ACTN1: variants seen among roughly 807,000 people sequenced by gnomAD.
ACTN1 encodes the protein actinin alpha 1, also known as alpha-actinin-1.
A neutral mutation model predicts 119.6 loss-of-function variants in ACTN1; 30 were observed. The ratio of observed to expected loss-of-function variants is 0.25; its 90% confidence interval spans 0.19 to 0.34. ACTN1 has a LOEUF of 0.34. ACTN1 is among the 10% of genes least tolerant of loss of function. The pLI is 1.00. For missense variants in ACTN1, 764 were observed against 1,223.4 expected (o/e 0.62, Z 5.60); for synonymous variants, 429 against 472.6 (o/e 0.91, Z 1.20).
chr14:68,912,225 C>T lies in ACTN1; in HGVS notation c.358G>A (p.Val120Met). 6.2e-7 allele frequency: 1 copy of T among 1,614,114 alleles called. No homozygotes were observed. Among genetic ancestry groups the T allele is most frequent in the Non-Finnish European group, 8.5e-7 (1 of 1,179,978 alleles). The change falls in exon 4 of 22, where the codon GTG becomes ATG. Residue 120 changes from valine to methionine, a missense_variant. Val to Met is a conservative substitution (Grantham distance 21). Coordinates refer to ENST00000394419, the MANE Select transcript of ACTN1 (RefSeq NM_001130004.2). ...IGAEEIVDGNVKMTLGMIWTI... is the reference protein window; with the variant it reads ...IGAEEIVDGNMKMTLGMIWTI... The stretch of plus-strand genomic sequence containing the variant: ...CAGATCATGCCCAGGGTCATCTTCA[C>T]ATTCCCATCCACGATTTCTACAGAA...
chr14:68,968,517 C>G (rs2036775338), intron 1 of ACTN1, among the ~76,000 whole-genome samples: 1 of 152,216 alleles, frequency 6.6e-6, no homozygotes, highest in African/African-American at 2.4e-5. Context: ...ATACAGACAG[C>G]TATATAGGCA....
chr14:68,915,846 G>A (rs2034262179), intron 3 of ACTN1, among the ~76,000 whole-genome samples: 1 of 152,170 alleles, frequency 6.6e-6, no homozygotes, highest in South Asian at 2.1e-4. Flanking sequence ...GCGAAACCCC[G>A]TCTCCACTAA....
chr14:68,976,397 C>T (rs1278821314), intron 1 of ACTN1, among the ~76,000 whole-genome samples: 1 of 152,178 alleles, frequency 6.6e-6, no homozygotes, highest in Non-Finnish European at 1.5e-5. Flanking sequence ...GTTTACCTTA[C>T]GTCTTATCCC....
At chr14:68,955,981 TC>T in intron 1 of ACTN1, among the ~76,000 whole-genome samples, 1 of 152,202 alleles carries the variant, frequency 6.6e-6, no homozygotes, top group South Asian at 2.1e-4. Context: ...ATTAAGAAGG[TC>T]CTGGAGGAAG....
intron 1 of ACTN1, among the ~76,000 whole-genome samples, chr14:68,952,392 C>T (rs2036198671): frequency 6.6e-6 from 1 of 152,234 alleles, no homozygotes; most frequent in African/African-American, 2.4e-5. Context: ...ACAAAGAATA[C>T]AGCTTCAGCC....
chr14:68,883,654 T>A (rs180996940), intron 14 of ACTN1, among the ~76,000 whole-genome samples: 1 of 152,154 alleles, frequency 6.6e-6, no homozygotes, highest in Non-Finnish European at 1.5e-5. Context: ...GATGTGAGCC[T>A]GTAGTCCCAG....
chr14:68,899,208 CT>C, intron 8 of ACTN1, among the ~76,000 whole-genome samples: 1 of 135,932 alleles, frequency 7.4e-6, no homozygotes, highest in African/African-American at 2.7e-5. Flanking sequence ...CACTATACCC[CT>C]CCACACCACA....
In ACTN1 at chr14:68,882,411, G is replaced by A. The variant is rs116649664; in HGVS notation, c.1953+47C>T. ...GCCTGGCTGGCTAGGATAGTGTCGG[G>A]GGGGAGGGGTGGGAGCCCCAGCACT... is the stretch of plus-strand genomic sequence containing the variant. On this transcript the variant is annotated intron_variant, in intron 16 of 21. Transcript: ENST00000394419. The surrounding 1 kb of genome is among the most constrained non-coding windows in gnomAD (Gnocchi z 4.5). 6.6e-5 allele frequency: 106 copies of A among 1,603,914 alleles called. No homozygotes were observed. In the East Asian group the frequency reaches 7.2e-4, roughly 11 times the overall value.
intron 1 of ACTN1, among the ~76,000 whole-genome samples, chr14:68,965,174 T>A (rs1470248512): frequency 6.6e-6 from 1 of 152,238 alleles, no homozygotes; most frequent in Non-Finnish European, 1.5e-5. Context: ...CATGGCAGAC[T>A]GTCCTTGGAC....
At chr14:68,949,482 G>A (rs1388925889) in intron 1 of ACTN1, among the ~76,000 whole-genome samples, 1 of 152,224 alleles carries the variant, frequency 6.6e-6, no homozygotes, top group Non-Finnish European at 1.5e-5. Flanking sequence ...GCCTGGCGCT[G>A]GCAGGGGGAA....
chr14:68,944,708 G>C (rs1034567500), intron 1 of ACTN1, among the ~76,000 whole-genome samples: 3 of 152,144 alleles, frequency 2.0e-5, no homozygotes, highest in Non-Finnish European at 2.9e-5. Flanking sequence ...AAGGGAGTCA[G>C]TGAATCTATA....
chr14:68,911,449 TCA>T (rs1170848248), intron 4 of ACTN1, among the ~76,000 whole-genome samples: 5 of 152,206 alleles, frequency 3.3e-5, no homozygotes, highest in Non-Finnish European at 7.3e-5. Flanking sequence ...CATTGCTGCA[TCA>T]CAGAGTGTCA....
At position 68,888,153 on chromosome 14, in the gene ACTN1, GT is replaced by G. The variant is rs1281021521; in HGVS notation, c.1234+1985del. On this transcript the variant is annotated intron_variant, in intron 11 of 21. Coordinates refer to ENST00000394419, the MANE Select transcript of ACTN1 (RefSeq NM_001130004.2). ...GCATGCTGACAGCCTTTGCGAAACT[GT>G]GCTGCCTGGCCGCTGCCACTCCTCA... 26 of 544,944 alleles carry G rather than the reference GT, an allele frequency of 4.8e-5. 1 individual carries two copies. The highest frequency in any genetic ancestry group is 8.1e-5 in the Non-Finnish European group (24 of 294,694). The allele number at this position is 544,944 out of a possible 1,614,324, so 33.8% of individuals were successfully genotyped here.
In ACTN1 at chr14:68,892,271, T is replaced by A; in HGVS notation, c.868A>T (p.Ile290Phe). The change falls in exon 10 of 22, where the codon ATC becomes TTC. Residue 290 changes from isoleucine to phenylalanine, a missense_variant. Transcript: ENST00000394419. ...EKLASDLLEW[I>F]RRTIPWLENR... Reference sequence around the variant, plus strand: ...TCCAGCCACGGGATTGTGCGGCGGATCCACTCCAACAGCTAGGGTGGGAAG... The same window carrying A: ...TCCAGCCACGGGATTGTGCGGCGGAACCACTCCAACAGCTAGGGTGGGAAG... 2 of 1,612,730 alleles carry A rather than the reference T, an allele frequency of 1.2e-6. No individual in the cohort carries two copies. Among genetic ancestry groups the A allele is most frequent in the Non-Finnish European group, 1.7e-6 (2 of 1,179,098 alleles).
At chr14:68,977,806 C>CCT (rs1555361571) in intron 1 of ACTN1, 1 of 368,830 alleles carries the variant, frequency 2.7e-6, no homozygotes, top group African/African-American at 2.1e-5. Flanking sequence ...CCTGTCCCCC[C>CCT]CCCACCCAAA....
At chr14:68,922,369 C>T (rs558448810) in intron 2 of ACTN1, among the ~76,000 whole-genome samples, 10 of 152,358 alleles carry the variant, frequency 6.6e-5, no homozygotes, top group African/African-American at 2.2e-4. Context: ...CAGGGAAGCA[C>T]AGCTGTTTTT....
chr14:68,901,583 G>A (rs1445881835), intron 8 of ACTN1, among the ~76,000 whole-genome samples: 1 of 152,210 alleles, frequency 6.6e-6, no homozygotes, highest in Non-Finnish European at 1.5e-5. Flanking sequence ...CAGATGCCAT[G>A]TGGAGGGCAG....
chr14:68,969,064 A>G (rs773757723), intron 1 of ACTN1, among the ~76,000 whole-genome samples: 1 of 152,240 alleles, frequency 6.6e-6, no homozygotes, highest in Non-Finnish European at 1.5e-5. Flanking sequence ...AAGCAGACTC[A>G]GTGAGGGGGT....
At chr14:68,884,604 G>A (rs905499083) in intron 13 of ACTN1, among the ~76,000 whole-genome samples, 171 bp downstream of exon 13, 8 of 152,234 alleles carry the variant, frequency 5.3e-5, no homozygotes, top group Non-Finnish European at 1.2e-4. Context: ...CGCCATGAGG[G>A]CAAAGTCCAA....
Sources: allele counts gnomAD v4.1 joint callset (sites outside exome capture counted in the v4.1 genomes callset), GRCh38; gene constraint gnomAD v4.1.1; non-coding constraint Gnocchi (gnomAD v3.1); transcripts MANE v1.5; gene names NCBI Gene and HGNC (gene_info 2026-07-23, HGNC 2026-07-21).